Variants in RALGPS1 observed in about 807,000 individuals in gnomAD.
The protein encoded by RALGPS1 is Ral GEF with PH domain and SH3 binding motif 1.
Under a neutral mutation model 78.8 loss-of-function variants are expected in RALGPS1, and 19 were observed. That is an observed-to-expected ratio of 0.24 (90% CI 0.17 to 0.35). The LOEUF (loss-of-function observed/expected upper bound fraction) is 0.35. Among genes scored for constraint, RALGPS1 ranks in the 10% least tolerant of loss-of-function variants. The pLI is 1.00. For synonymous variants in RALGPS1, 228 were observed against 256.3 expected (o/e 0.89, Z 1.06); for missense variants, 454 against 688.3 (o/e 0.66, Z 3.81).
intron 1 of RALGPS1, among the ~76,000 whole-genome samples, chr9:126,928,466 A>G (rs1158504182): frequency 6.6e-6 from 1 of 152,228 alleles, no homozygotes; most frequent in African/African-American, 2.4e-5. Flanking sequence ...ATGATGAGAT[A>G]TGTGTACCAG....
At chr9:126,940,070 T>TC (rs1490641463) in intron 1 of RALGPS1, among the ~76,000 whole-genome samples, 3 of 152,196 alleles carry the variant, frequency 2.0e-5, no homozygotes, top group African/African-American at 7.2e-5. Context: ...AAGCCAGTGT[T>TC]CTGGGATCTT....
intron 4 of RALGPS1, among the ~76,000 whole-genome samples, chr9:126,991,962 A>T (rs2042321654): frequency 1.3e-5 from 2 of 152,206 alleles, no homozygotes; most frequent in Admixed American, 1.3e-4. Context: ...CTCATCTGTC[A>T]TTGCTATATC....
intron 1 of RALGPS1, among the ~76,000 whole-genome samples, chr9:126,955,123 A>C (rs190903173): frequency 6.6e-6 from 1 of 152,336 alleles, no homozygotes; most frequent in Non-Finnish European, 1.5e-5. Flanking sequence ...CATCCTGGCA[A>C]ATATCATCTT....
intron 8 of RALGPS1, among the ~76,000 whole-genome samples, chr9:127,116,306 T>C (rs2055413177): frequency 6.6e-6 from 1 of 151,148 alleles, no homozygotes. Context: ...GGTCACACCA[T>C]GAGATCATAG....
chr9:126,964,975 A>G (rs1338179321), intron 2 of RALGPS1, among the ~76,000 whole-genome samples: 8 of 152,234 alleles, frequency 5.3e-5, no homozygotes, highest in Non-Finnish European at 1.2e-4. Flanking sequence ...GAATAAAATC[A>G]TTTATGAACA....
chr9:127,150,249 C>T (rs1456731196), intron 8 of RALGPS1, among the ~76,000 whole-genome samples: 2 of 152,186 alleles, frequency 1.3e-5, no homozygotes, highest in African/African-American at 4.8e-5. Flanking sequence ...TGAGGCAGCT[C>T]CCTTGACCCA....
At position 126,997,865 on chromosome 9, in the gene RALGPS1, T is replaced by G. The variant is rs1200615251; in HGVS notation, c.216+20120T>G. On this transcript the variant is annotated intron_variant, in intron 4 of 18. Transcript: ENST00000259351. ...GAACAGAGCCCTCAGAAACAATGCT[T>G]CGTATCTACAACTATCTGATCTTTG... Among the ~76,000 whole-genome samples the G allele has an allele frequency of 2.6e-5, 4 of 152,030 alleles. No homozygotes were observed. The East Asian group carries it at 7.7e-4, about 29-fold the overall frequency.
chr9:126,949,416 T>C (rs2037595458), intron 1 of RALGPS1, among the ~76,000 whole-genome samples: 1 of 152,064 alleles, frequency 6.6e-6, no homozygotes, highest in African/African-American at 2.4e-5. Flanking sequence ...TGAACTAGTT[T>C]ATAGTCCCAC....
intron 5 of RALGPS1, among the ~76,000 whole-genome samples, chr9:127,043,757 A>G (rs571215301): frequency 6.6e-6 from 1 of 152,376 alleles, no homozygotes; most frequent in South Asian, 2.1e-4. Context: ...CAACAATAAG[A>G]AAATAGCCCA....
intron 1 of RALGPS1, among the ~76,000 whole-genome samples, chr9:126,949,307 T>A (rs1193737727): frequency 6.6e-6 from 1 of 152,254 alleles, no homozygotes; most frequent in Non-Finnish European, 1.5e-5. Context: ...GCATGATTTA[T>A]AGTCCTTTGG....
At chr9:126,959,391 C>T (rs1450619268) in intron 1 of RALGPS1, among the ~76,000 whole-genome samples, 3 of 152,032 alleles carry the variant, frequency 2.0e-5, no homozygotes, top group Non-Finnish European at 2.9e-5. Flanking sequence ...AATGTCTGTT[C>T]AAATCTTTTG....
intron 4 of RALGPS1, among the ~76,000 whole-genome samples, chr9:127,001,316 A>G (rs1009731780): frequency 6.6e-6 from 1 of 151,128 alleles, no homozygotes; most frequent in Non-Finnish European, 1.5e-5. Flanking sequence ...AGTTCACACT[A>G]TTTTTTGTTC....
At chr9:127,013,353 A>C (rs1156437597) in intron 4 of RALGPS1, among the ~76,000 whole-genome samples, 3 of 152,166 alleles carry the variant, frequency 2.0e-5, no homozygotes, top group African/African-American at 7.2e-5. Flanking sequence ...AAAGTCCTAC[A>C]GGTGCCATAG....
chr9:127,130,479 T>C (rs976473978), intron 8 of RALGPS1, among the ~76,000 whole-genome samples: 4 of 152,212 alleles, frequency 2.6e-5, no homozygotes, highest in African/African-American at 9.7e-5. Context: ...TCTGTCACTG[T>C]CCCCAGAACC....
At chr9:127,155,699 G>A (rs1239471199) in intron 8 of RALGPS1, among the ~76,000 whole-genome samples, 1 of 152,172 alleles carries the variant, frequency 6.6e-6, no homozygotes, top group Non-Finnish European at 1.5e-5. Flanking sequence ...AATGGAGAGA[G>A]CAAAAGCAGG....
chr9:127,204,755 G>A (rs1228107879), intron 14 of RALGPS1, among the ~76,000 whole-genome samples: 4 of 152,194 alleles, frequency 2.6e-5, no homozygotes, highest in East Asian at 1.9e-4. Flanking sequence ...GGGATCATCC[G>A]ACATCCTTAG....
chr9:126,957,534 T>C (rs2038460644), intron 1 of RALGPS1, among the ~76,000 whole-genome samples: 1 of 152,172 alleles, frequency 6.6e-6, no homozygotes, highest in African/African-American at 2.4e-5. Context: ...TAGGCCTGGA[T>C]TGAGTCACTT....
chr9:126,959,851 A>T (rs2038710973), intron 1 of RALGPS1, among the ~76,000 whole-genome samples: 1 of 152,212 alleles, frequency 6.6e-6, no homozygotes, highest in Non-Finnish European at 1.5e-5. Flanking sequence ...CATTGTTATC[A>T]TACTTAGGAG....
At chr9:127,179,220 A>T (rs2060065870) in intron 11 of RALGPS1, among the ~76,000 whole-genome samples, 1 of 152,186 alleles carries the variant, frequency 6.6e-6, no homozygotes, top group African/African-American at 2.4e-5. Flanking sequence ...GAAGGTTTTC[A>T]TTGATCACTA....
Sources: allele counts gnomAD v4.1 joint callset (sites outside exome capture counted in the v4.1 genomes callset), GRCh38; gene constraint gnomAD v4.1.1; transcripts MANE v1.5; gene names NCBI Gene and HGNC (gene_info 2026-07-23, HGNC 2026-07-21).